Variants in SOX6 observed in about 807,000 individuals in gnomAD.
The protein encoded by SOX6 is SRY-box transcription factor 6.
Under a neutral mutation model 97.8 loss-of-function variants are expected in SOX6, and 11 were observed. That is an observed-to-expected ratio of 0.11 (90% CI 0.07 to 0.19). SOX6 has a LOEUF of 0.19. SOX6 is among the 10% of genes least tolerant of loss of function. SOX6 has a pLI of 1.00. For missense variants in SOX6, 810 were observed against 1,039.5 expected (o/e 0.78, Z 3.04); for synonymous variants, 360 against 371.4 (o/e 0.97, Z 0.35).
chr11:16,290,365 G>A (rs965935281), intron 3 of SOX6, among the ~76,000 whole-genome samples: 3 of 151,996 alleles, frequency 2.0e-5, no homozygotes, highest in Non-Finnish European at 4.4e-5. Flanking sequence ...TTATTAGCAT[G>A]ATAAACTTCT....
At chr11:15,975,497 T>C (rs1295505748) in intron 15 of SOX6, among the ~76,000 whole-genome samples, 1 of 152,220 alleles carries the variant, frequency 6.6e-6, no homozygotes, top group Non-Finnish European at 1.5e-5. Flanking sequence ...TACGTTTCCT[T>C]TTCACAAAGA....
At chr11:16,313,918 C>A (rs947616753) in intron 3 of SOX6, 1 of 151,850 alleles carries the variant, frequency 6.6e-6, no homozygotes. Flanking sequence ...CTCTTAATAT[C>A]TTTTCCATAT....
At chr11:16,166,761 A>G (rs971093798) in intron 6 of SOX6, among the ~76,000 whole-genome samples, 6 of 152,198 alleles carry the variant, frequency 3.9e-5, no homozygotes, top group Non-Finnish European at 8.8e-5. Flanking sequence ...ATGAAATTCT[A>G]GGCTTTAAAA....
At chr11:16,467,290 T>G (rs919410274) in intron 1 of SOX6, among the ~76,000 whole-genome samples, 1 of 152,176 alleles carries the variant, frequency 6.6e-6, no homozygotes, top group South Asian at 2.1e-4. Flanking sequence ...TTACTGGGTA[T>G]GTACCCAAAG....
At chr11:16,574,680 A>C (rs1255540015) in intron 4 of SOX6, among the ~76,000 whole-genome samples, 1 of 152,198 alleles carries the variant, frequency 6.6e-6, no homozygotes, top group Non-Finnish European at 1.5e-5. Context: ...AAATGGAAGA[A>C]GATATCTGCA....
chr11:16,622,497 C>T (rs1275398014), intron 3 of SOX6, among the ~76,000 whole-genome samples: 4 of 152,198 alleles, frequency 2.6e-5, no homozygotes, highest in Admixed American at 2.6e-4. Flanking sequence ...TTAGTTCCCA[C>T]TTATGAGTGA....
Position 16,392,268 on chromosome 11 carries a change from A to C in SOX6, c.-4-51016T>G, listed in dbSNP as rs183085709. 9.9e-4 allele frequency among the ~76,000 whole-genome samples: 151 copies of C among 152,266 alleles called. 1 individual carries two copies. The highest frequency in any genetic ancestry group is 3.6e-3 in the African/African-American group (149 of 41,568). The stretch of plus-strand genomic sequence containing the variant: ...AAAGAAACAGTCTTTAGGGTGAGAA[A>C]ACACATTAAGAAAAATTTTGCTCAT... On this transcript the variant is annotated intron_variant, in intron 1 of 15. Coordinates refer to the SOX6 transcript ENST00000396356.
At chr11:16,193,467 C>A (rs766901582) in intron 4 of SOX6, among the ~76,000 whole-genome samples, 1 of 152,134 alleles carries the variant, frequency 6.6e-6, no homozygotes, top group Non-Finnish European at 1.5e-5. Flanking sequence ...AGAAACATGT[C>A]CCAGGGAATT....
intron 4 of SOX6, among the ~76,000 whole-genome samples, chr11:16,188,368 T>C (rs1851539444): frequency 6.6e-6 from 1 of 152,114 alleles, no homozygotes; most frequent in South Asian, 2.1e-4. Flanking sequence ...AAACAAATAC[T>C]GTATCAAGGC....
At chr11:16,017,013 A>G (rs1854906146) in intron 12 of SOX6, among the ~76,000 whole-genome samples, 1 of 152,070 alleles carries the variant, frequency 6.6e-6, no homozygotes, top group Non-Finnish European at 1.5e-5. Flanking sequence ...AAAATAAAAT[A>G]AAATAAAATA....
intron 1 of SOX6, among the ~76,000 whole-genome samples, chr11:16,383,144 C>T (rs1427811856): frequency 2.0e-5 from 3 of 151,886 alleles, no homozygotes; most frequent in Non-Finnish European, 4.4e-5. Context: ...AAGAATTGCT[C>T]TTTCCTTCAT....
intron 6 of SOX6, among the ~76,000 whole-genome samples, chr11:16,152,864 C>G (rs1347777198): frequency 2.0e-5 from 3 of 151,752 alleles, no homozygotes; most frequent in Admixed American, 2.0e-4. Context: ...CCACCAAGCC[C>G]TAATTTTTTG....
chr11:16,554,187 G>A (rs1042070547), intron 4 of SOX6, among the ~76,000 whole-genome samples: 3 of 152,092 alleles, frequency 2.0e-5, no homozygotes, highest in East Asian at 1.9e-4. Context: ...AGGAAAAATT[G>A]AGTCACTGTG....
chr11:16,456,066 AT>A (rs1362775879), intron 1 of SOX6, among the ~76,000 whole-genome samples: 1 of 152,134 alleles, frequency 6.6e-6, no homozygotes. Flanking sequence ...ATGTCGATTT[AT>A]TGTAACACAA....
At chr11:16,181,745 T>A (rs1451410376) in intron 6 of SOX6, among the ~76,000 whole-genome samples, 1 of 151,718 alleles carries the variant, frequency 6.6e-6, no homozygotes, top group Non-Finnish European at 1.5e-5. Context: ...CAGGACAGAA[T>A]GAACTATAAA....
chr11:16,000,244 C>T (rs1294704770), intron 13 of SOX6, among the ~76,000 whole-genome samples: 1 of 152,058 alleles, frequency 6.6e-6, no homozygotes, highest in Non-Finnish European at 1.5e-5. Flanking sequence ...GTTTGGCAGG[C>T]AAAATACATT....
At chr11:16,193,574 A>T (rs1212608768) in intron 4 of SOX6, among the ~76,000 whole-genome samples, 1 of 152,190 alleles carries the variant, frequency 6.6e-6, no homozygotes, top group Non-Finnish European at 1.5e-5. Flanking sequence ...AAACCTGGGT[A>T]ACTAACAAAT....
At chr11:16,007,253 CA>C (rs903560123) in intron 13 of SOX6, among the ~76,000 whole-genome samples, 1 of 152,046 alleles carries the variant, frequency 6.6e-6, no homozygotes, top group Non-Finnish European at 1.5e-5. Flanking sequence ...ACACATACAG[CA>C]TGTTACTGTA....
intron 1 of SOX6, among the ~76,000 whole-genome samples, chr11:16,405,946 AGGGTATAT>A: frequency 6.6e-6 from 1 of 152,144 alleles, no homozygotes; most frequent in East Asian, 1.9e-4. Flanking sequence ...CTCTCGACAA[AGGGTATAT>A]TGTCCTTTGC....
Sources: allele counts gnomAD v4.1 joint callset (sites outside exome capture counted in the v4.1 genomes callset), GRCh38; gene constraint gnomAD v4.1.1; transcripts MANE v1.5; gene names NCBI Gene and HGNC (gene_info 2026-07-23, HGNC 2026-07-21).